Variants in STXBP5 observed in about 807,000 individuals in gnomAD.
STXBP5 encodes the protein syntaxin binding protein 5.
Under a neutral mutation model 152.4 loss-of-function variants are expected in STXBP5, and 50 were observed. The ratio of observed to expected loss-of-function variants is 0.33; its 90% CI spans 0.26 to 0.42. The LOEUF (loss-of-function observed/expected upper bound fraction) is 0.42. Among genes scored for constraint, STXBP5 ranks in the 10% least tolerant of loss-of-function variants. STXBP5 has a pLI of 1.00. For missense variants in STXBP5, 1,167 were observed against 1,388.6 expected, an observed-to-expected ratio of 0.84 and a Z score of 2.54; for synonymous variants, 492 against 494.7, an observed-to-expected ratio of 0.99 and a Z score of 0.07.
chr6:147,244,407 C>G (rs1303492061), intron 4 of STXBP5, among the ~76,000 whole-genome samples: 1 of 152,136 alleles, frequency 6.6e-6, no homozygotes, highest in Admixed American at 6.5e-5. Flanking sequence ...TTCATATAAA[C>G]TTTAGAATCA....
In STXBP5 at chr6:147,382,741, G is replaced by A. The variant is rs750030709; in HGVS notation, c.3194-37G>A. 4 of 1,598,540 alleles carry A rather than the reference G, an allele frequency of 2.5e-6. No individual in the cohort carries two copies. The South Asian group carries it at 4.5e-5, about 18-fold the overall frequency. On this transcript the variant is annotated intron_variant, in intron 26 of 27. Transcript: ENST00000321680. ...GATTTTATATTAGTAAAATGTTCAT[G>A]TTTTGAGTTACTCTTTGATTTATCA...
intron 6 of STXBP5, among the ~76,000 whole-genome samples, 169 bp downstream of exon 6, chr6:147,262,522 A>G (rs961723109): frequency 6.6e-6 from 1 of 152,064 alleles, no homozygotes; most frequent in Admixed American, 6.6e-5. Flanking sequence ...TGAAAGAATT[A>G]GAATCATTTA....
At chr6:147,383,217 A>G (rs907773910) in intron 27 of STXBP5, among the ~76,000 whole-genome samples, 4 of 152,038 alleles carry the variant, frequency 2.6e-5, no homozygotes, top group Non-Finnish European at 5.9e-5. Flanking sequence ...TTTTGAAGGA[A>G]TCTGCCCACC....
At chr6:147,371,065 A>G (rs1350390185) in intron 25 of STXBP5, among the ~76,000 whole-genome samples, 1 of 151,990 alleles carries the variant, frequency 6.6e-6, no homozygotes, top group Non-Finnish European at 1.5e-5. Context: ...AAGTATATTT[A>G]TTTCTGAATA....
At chr6:147,344,723 G>A (rs1784242638) in intron 21 of STXBP5, among the ~76,000 whole-genome samples, 1 of 152,136 alleles carries the variant, frequency 6.6e-6, no homozygotes, top group African/African-American at 2.4e-5. Context: ...TTAAAGGCCT[G>A]TCTCCTAGTA....
Position 147,337,214 on chromosome 6 carries a change from C to CACACACACACACAA in STXBP5, c.2147-1964_2147-1963insCACACACACACAAA, listed in dbSNP as rs150169446. 2.3e-3 allele frequency among the ~76,000 whole-genome samples: 341 copies of CACACACACACACAA among 147,382 alleles called. 3 individuals carry two copies. Among genetic ancestry groups the CACACACACACACAA allele is most frequent in the Middle Eastern group, 0.014 (4 of 286 alleles). ...ATAGACACACACACACACACACACACAAGAAGTCATGTTAAAATAAATTTT... is the reference window on the plus strand; with the variant it reads ...ATAGACACACACACACACACACACACACACACACACACAAAAGAAGTCATGTTAAAATAAATTTT... On this transcript the variant is annotated intron_variant, in intron 19 of 27. Coordinates refer to ENST00000321680, the MANE Select transcript of STXBP5 (RefSeq NM_001127715.4).
chr6:147,340,164 C>T (rs1427504020), intron 21 of STXBP5, among the ~76,000 whole-genome samples: 1 of 151,996 alleles, frequency 6.6e-6, no homozygotes, highest in Non-Finnish European at 1.5e-5. Flanking sequence ...CCCAAAACCT[C>T]TATCACATAT....
At chr6:147,377,736 A>G (rs1248583452) in intron 26 of STXBP5, among the ~76,000 whole-genome samples, 1 of 152,108 alleles carries the variant, frequency 6.6e-6, no homozygotes, top group African/African-American at 2.4e-5. Context: ...AAAGGCCCCC[A>G]CTTCTGACAT....
chr6:147,337,160 C>A lies in STXBP5; in HGVS notation c.2147-2019C>A, dbSNP rs1460532054. Among the ~76,000 whole-genome samples the A allele has an allele frequency of 1.4e-5, 2 of 142,306 alleles. 1 individual carries two copies. Among genetic ancestry groups the A allele is most frequent in the Non-Finnish European group, 3.1e-5 (2 of 65,316 alleles). The allele number at this position is 142,306 out of a possible 152,430, so 93.4% of individuals were successfully genotyped here. ...TATTATTGGAATTTTTTTAGTACTG[C>A]ATGCAAAGATATATATATATACACA... On this transcript the variant is annotated intron_variant, in intron 19 of 27. Transcript: ENST00000321680.
chr6:147,236,024 T>C (rs555684085), intron 3 of STXBP5, among the ~76,000 whole-genome samples: 1 of 152,308 alleles, frequency 6.6e-6, no homozygotes, highest in East Asian at 1.9e-4. Flanking sequence ...ATTGTGGACA[T>C]TATTTTAGTC....
intron 3 of STXBP5, among the ~76,000 whole-genome samples, chr6:147,237,015 A>T (rs969739199): frequency 1.3e-5 from 2 of 151,950 alleles, no homozygotes; most frequent in African/African-American, 4.8e-5. Flanking sequence ...TGACCTCGTG[A>T]TCTGCCTGCC....
At chr6:147,212,487 T>C (rs1400879301) in intron 2 of STXBP5, among the ~76,000 whole-genome samples, 1 of 152,208 alleles carries the variant, frequency 6.6e-6, no homozygotes, top group Non-Finnish European at 1.5e-5. Flanking sequence ...CTAAAATCTC[T>C]GTGCTTCAGT....
At chr6:147,333,841 T>C (rs1396333363) in intron 18 of STXBP5, among the ~76,000 whole-genome samples, 15 of 152,246 alleles carry the variant, frequency 9.9e-5, no homozygotes, top group African/African-American at 2.7e-4. Flanking sequence ...TTTTTGTTTA[T>C]TTATAATGTT....
At chr6:147,242,988 A>G (rs969151651) in intron 4 of STXBP5, among the ~76,000 whole-genome samples, 1 of 152,134 alleles carries the variant, frequency 6.6e-6, no homozygotes, top group African/African-American at 2.4e-5. Flanking sequence ...TTGTATTTCC[A>G]TTCACCTATT....
chr6:147,316,386 G>A lies in STXBP5; in HGVS notation c.1781G>A (p.Arg594His), dbSNP rs369192295. 7 of 1,567,226 alleles carry A rather than the reference G, an allele frequency of 4.5e-6. No homozygotes were observed. Among genetic ancestry groups the A allele is most frequent in the South Asian group, 2.4e-5 (2 of 84,082 alleles). ...AGTAGCAGTTCATCTGATGGGCTTC[G>A]TGATAATGTACCTTGTTTAAAGTAA... ...STSSSSSDGLRDNVPCLKVKN... is the reference protein window; with the variant it reads ...STSSSSSDGLHDNVPCLKVKN... Residue 594 changes from arginine (R) to histidine (H), a missense_variant, in exon 16 of 28, where the codon CGT becomes CAT. By Grantham distance (29) the Arg-to-His change is conservative (BLOSUM62 0). This residue lies in a region of STXBP5 where 833 missense variants were observed against 986.3 expected (regional missense o/e 0.84). Coordinates refer to ENST00000321680, the MANE Select transcript of STXBP5 (RefSeq NM_001127715.4).
At chr6:147,213,477 T>C (rs478270) in intron 2 of STXBP5, among the ~76,000 whole-genome samples, 49,645 of 130,992 alleles carry the variant, frequency 0.38, 10,089 homozygotes, top group Non-Finnish European at 0.44. Flanking sequence ...TGTGTGTGTG[T>C]GCGCGCGCAT....
Position 147,364,118 on chromosome 6 carries a change from A to G in STXBP5, c.3033A>G (p.Thr1011=). 2 of 1,613,910 alleles carry G rather than the reference A, an allele frequency of 1.2e-6. No homozygotes were observed. The highest frequency in any genetic ancestry group is 1.7e-6 in the Non-Finnish European group (2 of 1,179,942). ...AAGCATTATACCTTGTTTCACCTACAGAAATCCAGAGACTTACTTATAGTC... is the reference window on the plus strand; with the variant it reads ...AAGCATTATACCTTGTTTCACCTACGGAAATCCAGAGACTTACTTATAGTC... ...NGQALYLVSP[T]EIQRLTYSQE... Residue 1011 remains threonine (T), a synonymous_variant, in exon 25 of 28, where the codon ACA becomes ACG. Transcript: ENST00000321680.
At chr6:147,368,207 G>A (rs890553775) in intron 25 of STXBP5, among the ~76,000 whole-genome samples, 5 of 151,446 alleles carry the variant, frequency 3.3e-5, no homozygotes, top group Non-Finnish European at 4.4e-5. Flanking sequence ...TATAAGAAAA[G>A]AAAACTACCT....
At chr6:147,302,496 C>G (rs1269605546) in intron 9 of STXBP5, among the ~76,000 whole-genome samples, 1 of 152,078 alleles carries the variant, frequency 6.6e-6, no homozygotes, top group Non-Finnish European at 1.5e-5. Context: ...ATTTCAAACA[C>G]AAGCCAGGAT....
Sources: gnomAD v4.1 joint callset for allele counts (sites outside exome capture counted in the v4.1 genomes callset) on GRCh38, gnomAD v4.1.1 for gene constraint, gnomAD v4.1.1 regional missense constraint, MANE v1.5 for transcripts, NCBI Gene and HGNC (gene_info 2026-07-23, HGNC 2026-07-21) for gene names.